The following TRHDE variants were observed in gnomAD, a reference collection of about 807,000 sequenced individuals.
TRHDE encodes the protein thyrotropin-releasing hormone-degrading ectoenzyme.
Under a neutral mutation model 125.7 loss-of-function variants are expected in TRHDE, and 72 were observed. The observed-to-expected ratio is 0.57, with a 90% CI of 0.47 to 0.70. The LOEUF is 0.70. Among genes scored for constraint, TRHDE ranks in the 30% least tolerant of loss-of-function variants. The pLI is 0.00. For missense variants in TRHDE, 1,110 were observed against 1,327.1 expected (o/e 0.84, Z 2.54); for synonymous variants, 509 against 509.1 (o/e 1.00, Z 0.00).
At chr12:72,657,493 C>T (rs995617312) in intron 18 of TRHDE, among the ~76,000 whole-genome samples, 12 of 152,108 alleles carry the variant, frequency 7.9e-5, no homozygotes, top group African/African-American at 2.9e-4. Flanking sequence ...TTAAATGAAA[C>T]AAATTCTTAA....
intron 2 of TRHDE, among the ~76,000 whole-genome samples, chr12:72,155,986 C>T (rs1300449057): frequency 1.3e-5 from 2 of 152,194 alleles, no homozygotes; most frequent in African/African-American, 4.8e-5. Flanking sequence ...ATGCCCTGCC[C>T]CCAGAGGTGG....
intron 2 of TRHDE, among the ~76,000 whole-genome samples, chr12:72,363,120 A>G (rs1038762790): frequency 1.3e-5 from 2 of 151,974 alleles, no homozygotes; most frequent in African/African-American, 4.8e-5. Flanking sequence ...TGGTAGCTTG[A>G]TGGGGATGGC....
At chr12:72,459,818 A>G (rs1244231689) in intron 3 of TRHDE, among the ~76,000 whole-genome samples, 3 of 152,052 alleles carry the variant, frequency 2.0e-5, no homozygotes, top group Admixed American at 1.3e-4. Context: ...ATGTCTGACT[A>G]TGTTGCCCAG....
intron 1 of TRHDE, among the ~76,000 whole-genome samples, chr12:72,103,123 G>C (rs971105018): frequency 1.3e-5 from 2 of 152,180 alleles, no homozygotes; most frequent in Admixed American, 6.5e-5. Flanking sequence ...GCGTCCCAGA[G>C]AGCCCAGTCT....
chr12:72,292,828 A>G (rs1880139131), intron 2 of TRHDE, among the ~76,000 whole-genome samples: 1 of 152,208 alleles, frequency 6.6e-6, no homozygotes. Context: ...GTTCAAATCA[A>G]TATTGCTGAA....
chr12:72,326,808 A>T (rs532537294), intron 2 of TRHDE, among the ~76,000 whole-genome samples: 38 of 152,306 alleles, frequency 2.5e-4, no homozygotes, highest in African/African-American at 7.9e-4. Context: ...CTTCACATTG[A>T]ACAAATTGAG....
At position 72,562,950 on chromosome 12, in the gene TRHDE, C is replaced by T. The variant is rs1870252875; in HGVS notation, c.1952C>T (p.Thr651Ile). 1 of 1,610,230 alleles carries T rather than the reference C, an allele frequency of 6.2e-7. No individual in the cohort carries two copies. The highest frequency in any genetic ancestry group is 8.5e-7 in the Non-Finnish European group (1 of 1,177,954). The stretch of plus-strand genomic sequence containing the variant: ...CCTGTTATCACCATCTTGGGAAACA[C>T]AACAGCAGAAAATAGAATAATAATT... ...GYPVITILGNTTAENRIIITQ... is the reference protein window; with the variant it reads ...GYPVITILGNITAENRIIITQ... Residue 651 changes from threonine to isoleucine, a missense_variant, in exon 9 of 19, where the codon ACA becomes ATA. By Grantham distance (89) the Thr-to-Ile change is moderately conservative (BLOSUM62 -1). Coordinates refer to ENST00000261180, the MANE Select transcript of TRHDE (RefSeq NM_013381.3).
At chr12:72,572,762 A>G (rs1398957122) in intron 10 of TRHDE, among the ~76,000 whole-genome samples, 1 of 152,032 alleles carries the variant, frequency 6.6e-6, no homozygotes, top group Admixed American at 6.6e-5. Context: ...TTCCTATTTT[A>G]ATATACATAT....
chr12:72,248,370 A>G (rs957910394), intron 2 of TRHDE, among the ~76,000 whole-genome samples: 1 of 142,238 alleles, frequency 7.0e-6, no homozygotes, highest in Non-Finnish European at 1.5e-5. Context: ...GTGAGCCGAG[A>G]TCGCGCCACT....
At chr12:72,513,506 G>C (rs1878697707) in intron 6 of TRHDE, among the ~76,000 whole-genome samples, 1 of 152,098 alleles carries the variant, frequency 6.6e-6, no homozygotes, top group African/African-American at 2.4e-5. Flanking sequence ...AAATTATCTA[G>C]AGACTACATG....
chr12:72,619,642 A>C (rs898286723), intron 13 of TRHDE, among the ~76,000 whole-genome samples: 1 of 152,188 alleles, frequency 6.6e-6, no homozygotes, highest in African/African-American at 2.4e-5. Context: ...TACACTGCTC[A>C]TGCCACCTAA....
intron 2 of TRHDE, among the ~76,000 whole-genome samples, chr12:72,337,017 A>G (rs1750247844): frequency 6.6e-6 from 1 of 152,216 alleles, no homozygotes; most frequent in African/African-American, 2.4e-5. Flanking sequence ...TTACTAAATC[A>G]GAATCTGTAT....
At chr12:72,415,701 C>T (rs145576649) in intron 3 of TRHDE, among the ~76,000 whole-genome samples, 143 of 152,070 alleles carry the variant, frequency 9.4e-4, no homozygotes, top group African/African-American at 3.1e-3. Flanking sequence ...GCCATCCACA[C>T]TGTTGCAGAT....
At chr12:72,611,401 C>T (rs1332915715) in intron 12 of TRHDE, 1 of 152,112 alleles carries the variant, frequency 6.6e-6, no homozygotes, top group East Asian at 1.9e-4. Flanking sequence ...TTTTTCCTAG[C>T]AAGAAAATAA....
rs187811463 is a variant in TRHDE at position 72,202,276 on chromosome 12, G to A, written n.279+96524G>A. Reference sequence around the variant, plus strand: ...TGGCCAGTGGGGAGCCTTGACAGGAGATCTGAGGAAAGGAGAGTAAGGTCA... The same window carrying A: ...TGGCCAGTGGGGAGCCTTGACAGGAAATCTGAGGAAAGGAGAGTAAGGTCA... On this transcript the variant is annotated intron_variant and non_coding_transcript_variant, in intron 2 of 4. Coordinates refer to the TRHDE transcript ENST00000548156. Among the ~76,000 whole-genome samples the A allele has an allele frequency of 3.2e-3, 490 of 152,284 alleles. 1 individual carries two copies. The highest frequency in any genetic ancestry group is 5.0e-3 in the Non-Finnish European group (342 of 68,022).
At chr12:72,404,950 A>G (rs950693735) in intron 3 of TRHDE, among the ~76,000 whole-genome samples, 2 of 152,266 alleles carry the variant, frequency 1.3e-5, no homozygotes, top group East Asian at 3.8e-4. Context: ...CTAGTGTACA[A>G]TAACTTCATA....
chr12:72,507,859 G>T (rs183983550), intron 6 of TRHDE, among the ~76,000 whole-genome samples: 1 of 152,220 alleles, frequency 6.6e-6, no homozygotes, highest in Non-Finnish European at 1.5e-5. Context: ...CATGCCCATA[G>T]CCCTGCTGCT....
chr12:72,323,804 T>C lies in TRHDE; in HGVS notation c.1188+36850T>C, dbSNP rs1183232491. Among the ~76,000 whole-genome samples the C allele has an allele frequency of 2.7e-5, 4 of 149,986 alleles. 1 individual carries two copies. The highest frequency in any genetic ancestry group is 5.9e-5 in the Non-Finnish European group (4 of 67,494). ...GATGGGGTTGTCATGGATGGGGTTC[T>C]TGCAAGATGAAATTATGGAGCGAGA... On this transcript the variant is annotated intron_variant, in intron 2 of 18. Coordinates refer to ENST00000261180, the MANE Select transcript of TRHDE (RefSeq NM_013381.3).
chr12:72,564,344 T>A (rs1870329600), intron 9 of TRHDE, among the ~76,000 whole-genome samples: 1 of 152,154 alleles, frequency 6.6e-6, no homozygotes, highest in African/African-American at 2.4e-5. Context: ...AGCGTAGGCA[T>A]CAACTCTGGC....
Sources: allele counts gnomAD v4.1 joint callset (sites outside exome capture counted in the v4.1 genomes callset), GRCh38; gene constraint gnomAD v4.1.1; transcripts MANE v1.5; gene names NCBI Gene and HGNC (gene_info 2026-07-23, HGNC 2026-07-21).